PLLP: variants seen among roughly 807,000 people sequenced by gnomAD.
PLLP encodes plasma membrane proteolipid (plasmolipin).
PLLP carries 15 observed loss-of-function variants against 19.7 expected under a neutral mutation model. The ratio of observed to expected loss-of-function variants is 0.76; its 90% CI spans 0.51 to 1.17. PLLP has a LOEUF of 1.17. Ranked by LOEUF, PLLP falls within the 50% of genes most tolerant of loss-of-function variation. The pLI is 0.00. For missense variants in PLLP, 255 were observed against 258.3 expected, an observed-to-expected ratio of 0.99 and a Z score of 0.09; for synonymous variants, 111 against 116.3, an observed-to-expected ratio of 0.95 and a Z score of 0.29.
intron 1 of PLLP, among the ~76,000 whole-genome samples, chr16:57,280,673 T>C (rs1478149211): frequency 1.3e-5 from 2 of 152,192 alleles, no homozygotes; most frequent in African/African-American, 4.8e-5. Flanking sequence ...CAACAAATAA[T>C]CAACAGCCTT....
At chr16:57,277,669 T>G (rs1472289126) in intron 1 of PLLP, among the ~76,000 whole-genome samples, 1 of 152,168 alleles carries the variant, frequency 6.6e-6, no homozygotes. Flanking sequence ...TGCTGTGCAC[T>G]GATACAGAAT....
intron 1 of PLLP, among the ~76,000 whole-genome samples, chr16:57,263,582 C>T (rs138772208): frequency 2.6e-3 from 389 of 152,250 alleles, no homozygotes; most frequent in Middle Eastern, 0.014. Context: ...GAATTCTCTG[C>T]GGCAGGTTTG....
intron 1 of PLLP, among the ~76,000 whole-genome samples, chr16:57,282,909 A>T (rs1901236498): frequency 6.6e-6 from 1 of 151,970 alleles, no homozygotes; most frequent in African/African-American, 2.4e-5. Flanking sequence ...GCCCTTTCGC[A>T]CCACTTCTCA....
At chr16:57,262,954 C>G (rs2075446443) in intron 1 of PLLP, among the ~76,000 whole-genome samples, 1 of 152,144 alleles carries the variant, frequency 6.6e-6, no homozygotes, top group South Asian at 2.1e-4. Flanking sequence ...GTTCCCTTCC[C>G]CAGACTGCGA....
intron 1 of PLLP, among the ~76,000 whole-genome samples, chr16:57,271,864 G>A (rs1259380193): frequency 7.9e-5 from 12 of 151,856 alleles, no homozygotes; most frequent in African/African-American, 2.4e-4. Context: ...TCGCAGGTGG[G>A]ATCTCAGAAA....
At chr16:57,262,861 C>T (rs1463184644) in intron 1 of PLLP, among the ~76,000 whole-genome samples, 1 of 152,132 alleles carries the variant, frequency 6.6e-6, no homozygotes, top group Admixed American at 6.5e-5. Context: ...CTCCAGGACA[C>T]CCCCACGCCT....
chr16:57,260,717 T>C (rs1007725246), intron 2 of PLLP, among the ~76,000 whole-genome samples: 1 of 151,132 alleles, frequency 6.6e-6, no homozygotes, highest in Non-Finnish European at 1.5e-5. Context: ...CAGCTTTCTG[T>C]GTGTCTGGCC....
chr16:57,260,683 G>A lies in PLLP; in HGVS notation c.309+1214C>T, dbSNP rs4430732. 5.0e-3 allele frequency among the ~76,000 whole-genome samples: 760 copies of A among 152,154 alleles called. 26 individuals are homozygous for A. The highest frequency in any genetic ancestry group is 0.041 in the Admixed American group (620 of 15,288). ...CAGACCCCAGCTGCAGGGGTTTTCC[G>A]GGTCAGAGGAAAAAAAAAACCAGCA... On this transcript the variant is annotated intron_variant, in intron 2 of 3. Transcript: ENST00000219207.
intron 1 of PLLP, among the ~76,000 whole-genome samples, chr16:57,275,660 A>AAC (rs1901144262): frequency 9.0e-6 from 1 of 110,628 alleles, no homozygotes; most frequent in Non-Finnish European, 1.9e-5. Context: ...AAAAAAAAAA[A>AAC]ACACCATGAG....
Position 57,273,076 on chromosome 16 carries a change from G to T in PLLP, c.136-11006C>A, listed in dbSNP as rs556029047. On this transcript the variant is annotated intron_variant, in intron 1 of 3. Transcript: ENST00000219207. Reference sequence around the variant, plus strand: ...GATCGAGACCATCCTGGCTAACATGGTGAAACCCCGTCTCTACTAAAAAAA... The same window carrying T: ...GATCGAGACCATCCTGGCTAACATGTTGAAACCCCGTCTCTACTAAAAAAA... 3.3e-5 allele frequency among the ~76,000 whole-genome samples: 5 copies of T among 151,906 alleles called. No homozygotes were observed. The South Asian group carries it at 1.0e-3, about 32-fold the overall frequency.
chr16:57,265,014 G>T (rs74813334), intron 1 of PLLP, among the ~76,000 whole-genome samples: 6,893 of 152,308 alleles, frequency 0.045, 430 homozygotes, highest in South Asian at 0.27. Flanking sequence ...AAGGTGTCCC[G>T]CTCTCCAGGG....
intron 1 of PLLP, among the ~76,000 whole-genome samples, chr16:57,272,275 C>T (rs1777030149): frequency 6.6e-6 from 1 of 152,222 alleles, no homozygotes; most frequent in African/African-American, 2.4e-5. Context: ...TCCCCTTCCC[C>T]TGTCACCCAG....
At chr16:57,271,727 T>C (rs1399107030) in intron 1 of PLLP, among the ~76,000 whole-genome samples, 8 of 151,668 alleles carry the variant, frequency 5.3e-5, no homozygotes, top group Non-Finnish European at 1.2e-4. Context: ...CCCGTTCCCA[T>C]CCTGCCCTCT....
intron 1 of PLLP, among the ~76,000 whole-genome samples, chr16:57,279,929 G>A (rs960891364): frequency 1.3e-5 from 2 of 152,208 alleles, no homozygotes; most frequent in Non-Finnish European, 2.9e-5. Context: ...CAAAATGGAA[G>A]GACAGAAGGT....
At chr16:57,262,546 C>G (rs1337667795) in intron 1 of PLLP, among the ~76,000 whole-genome samples, 3 of 106,762 alleles carry the variant, frequency 2.8e-5, no homozygotes, top group African/African-American at 1.0e-4. Flanking sequence ...AAGTGAAAAT[C>G]CGTCTCAAAA....
chr16:57,260,860 C>A (rs982212301), intron 2 of PLLP, among the ~76,000 whole-genome samples: 5 of 152,248 alleles, frequency 3.3e-5, no homozygotes, highest in Non-Finnish European at 5.9e-5. Flanking sequence ...TTGTCCTGCA[C>A]ACTTGAGGCC....
At chr16:57,282,429 G>T (rs1232829842) in intron 1 of PLLP, among the ~76,000 whole-genome samples, 6 of 148,944 alleles carry the variant, frequency 4.0e-5, no homozygotes, top group Non-Finnish European at 5.9e-5. Context: ...CCTTTTTTTT[G>T]TAGAGACAGG....
At chr16:57,265,403 C>A (rs1333366056) in intron 1 of PLLP, among the ~76,000 whole-genome samples, 1 of 152,264 alleles carries the variant, frequency 6.6e-6, no homozygotes, top group Non-Finnish European at 1.5e-5. Context: ...CCAAGATAAA[C>A]AATTATTTTT....
At chr16:57,257,593 G>A (rs993289619) in intron 3 of PLLP, among the ~76,000 whole-genome samples, 1 of 152,224 alleles carries the variant, frequency 6.6e-6, no homozygotes, top group Admixed American at 6.5e-5. Flanking sequence ...GGAACTGGTA[G>A]TCCCTTCCTC....
Sources: gnomAD v4.1 joint callset for allele counts (sites outside exome capture counted in the v4.1 genomes callset) on GRCh38, gnomAD v4.1.1 for gene constraint, MANE v1.5 for transcripts, NCBI Gene and HGNC (gene_info 2026-07-23, HGNC 2026-07-21) for gene names.